KCNIP4: variants seen among roughly 807,000 people sequenced by gnomAD.
KCNIP4 encodes the protein Kv channel-interacting protein 4.
In KCNIP4, 12 loss-of-function variants were observed where a neutral mutation model predicts 34.0. The observed-to-expected ratio is 0.35, with a 90% CI of 0.23 to 0.57. The LOEUF (loss-of-function observed/expected upper bound fraction) is 0.57, where lower values mean the gene tolerates loss of function less well. KCNIP4 is among the 20% of genes least tolerant of loss of function. The pLI is 0.83. For synonymous variants in KCNIP4, 124 were observed against 102.2 expected (o/e 1.21, Z -1.29); for missense variants, 238 against 311.7 (o/e 0.76, Z 1.78).
chr4:21,662,457 T>C (rs1169130671), intron 1 of KCNIP4, among the ~76,000 whole-genome samples: 1 of 152,160 alleles, frequency 6.6e-6, no homozygotes, highest in African/African-American at 2.4e-5. Flanking sequence ...GCCTACAAAG[T>C]GATTTGCTAA....
At chr4:20,808,607 G>A (rs1715363069) in intron 3 of KCNIP4, among the ~76,000 whole-genome samples, 1 of 152,128 alleles carries the variant, frequency 6.6e-6, no homozygotes, top group Non-Finnish European at 1.5e-5. Context: ...TGCTAGTTTA[G>A]CTAATTTGCT....
chr4:21,491,588 G>C (rs1035061376), intron 1 of KCNIP4, among the ~76,000 whole-genome samples: 1 of 152,010 alleles, frequency 6.6e-6, no homozygotes, highest in South Asian at 2.1e-4. Flanking sequence ...GCCCAGGCTG[G>C]TCTCAAAATC....
At chr4:21,444,106 C>A (rs1240604679) in intron 1 of KCNIP4, among the ~76,000 whole-genome samples, 2 of 152,126 alleles carry the variant, frequency 1.3e-5, no homozygotes, top group African/African-American at 4.8e-5. Context: ...AGACCAATAA[C>A]AGGCTCTGAA....
chr4:20,788,351 T>G (rs1243285693), intron 3 of KCNIP4, among the ~76,000 whole-genome samples: 1 of 152,172 alleles, frequency 6.6e-6, no homozygotes, highest in East Asian at 1.9e-4. Flanking sequence ...ATCCAGGACA[T>G]ATAACAGTTG....
At chr4:21,407,554 A>G (rs1724100610) in intron 1 of KCNIP4, among the ~76,000 whole-genome samples, 1 of 152,178 alleles carries the variant, frequency 6.6e-6, no homozygotes, top group Non-Finnish European at 1.5e-5. Context: ...GAATAAATAA[A>G]CATTGTAAGT....
chr4:21,871,979 C>A (rs1232901212), intron 1 of KCNIP4, among the ~76,000 whole-genome samples: 1 of 151,936 alleles, frequency 6.6e-6, no homozygotes, highest in Non-Finnish European at 1.5e-5. Context: ...ATAAAGTCTG[C>A]CTTACCGTTT....
intron 1 of KCNIP4, among the ~76,000 whole-genome samples, chr4:21,124,443 T>C (rs1269353684): frequency 6.6e-6 from 1 of 152,198 alleles, no homozygotes; most frequent in Non-Finnish European, 1.5e-5. Flanking sequence ...TCTCAACCTC[T>C]GCTTCTTCCA....
chr4:21,178,331 T>C (rs946817793), intron 1 of KCNIP4, among the ~76,000 whole-genome samples: 1 of 152,152 alleles, frequency 6.6e-6, no homozygotes, highest in Non-Finnish European at 1.5e-5. Flanking sequence ...TAAACATTGG[T>C]TGGAACGAAG....
At position 21,076,379 on chromosome 4, in the gene KCNIP4, T is replaced by C. The variant is rs73802450; in HGVS notation, c.62-193670A>G. Among the ~76,000 whole-genome samples the C allele has an allele frequency of 0.014, 2,119 of 152,236 alleles. 83 individuals carry two copies. The East Asian group carries it at 0.17, about 12-fold the overall frequency. On this transcript the variant is annotated intron_variant, in intron 1 of 8. Coordinates refer to ENST00000382152, the MANE Select transcript of KCNIP4 (RefSeq NM_025221.6). ...CTTTCCTGAAATGTTATGGCTCTTA[T>C]AGCCTGTGCCACAAAATTAGGCATT... is the stretch of plus-strand genomic sequence containing the variant.
chr4:21,844,159 T>C (rs1723859534), intron 1 of KCNIP4: 1 of 152,054 alleles, frequency 6.6e-6, no homozygotes, highest in Non-Finnish European at 1.5e-5. Flanking sequence ...ACTCACAGTA[T>C]TTCAGAAGAA....
chr4:21,738,614 C>T (rs1278953040), intron 1 of KCNIP4, among the ~76,000 whole-genome samples: 1 of 152,140 alleles, frequency 6.6e-6, no homozygotes, highest in African/African-American at 2.4e-5. Flanking sequence ...CACAGTGTCT[C>T]TGGTCAAATT....
At chr4:21,476,849 G>A (rs1731022700) in intron 1 of KCNIP4, among the ~76,000 whole-genome samples, 1 of 152,072 alleles carries the variant, frequency 6.6e-6, no homozygotes, top group African/African-American at 2.4e-5. Flanking sequence ...CTAAAATGTA[G>A]AGCACTGTCT....
At chr4:21,710,415 G>A (rs906150523) in intron 1 of KCNIP4, among the ~76,000 whole-genome samples, 1 of 152,142 alleles carries the variant, frequency 6.6e-6, no homozygotes, top group Non-Finnish European at 1.5e-5. Flanking sequence ...CCTCCTCCAG[G>A]AAAATCAGTC....
At chr4:21,572,205 TAGTC>T (rs1190228210) in intron 1 of KCNIP4, among the ~76,000 whole-genome samples, 4 of 152,264 alleles carry the variant, frequency 2.6e-5, no homozygotes, top group South Asian at 2.1e-4. Flanking sequence ...ACTTGTCAAA[TAGTC>T]AGGCAAGTAT....
chr4:21,175,638 T>C lies in KCNIP4; in HGVS notation c.62-292929A>G, dbSNP rs548096434. On this transcript the variant is annotated intron_variant, in intron 1 of 8. Coordinates refer to ENST00000382152, the MANE Select transcript of KCNIP4 (RefSeq NM_025221.6). ...CATGATTAAATAAAATAAGAGTTAC[T>C]TGAACGCAAGCACTGCAATACTTCA... Among the ~76,000 whole-genome samples the C allele has an allele frequency of 1.2e-3, 182 of 152,292 alleles. 1 individual carries two copies. Among genetic ancestry groups the C allele is most frequent in the African/African-American group, 4.0e-3 (167 of 41,556 alleles).
At chr4:21,684,803 T>C (rs1431276293) in intron 1 of KCNIP4, among the ~76,000 whole-genome samples, 1 of 152,322 alleles carries the variant, frequency 6.6e-6, no homozygotes, top group Middle Eastern at 3.4e-3. Flanking sequence ...TATCTGCTAA[T>C]GCTATCCCTC....
At chr4:21,881,741 T>C (rs1726475011) in intron 1 of KCNIP4, among the ~76,000 whole-genome samples, 2 of 152,142 alleles carry the variant, frequency 1.3e-5, no homozygotes, top group South Asian at 2.1e-4. Context: ...TAAATATGTT[T>C]TGGGTGAATT....
intron 1 of KCNIP4, among the ~76,000 whole-genome samples, chr4:21,624,856 C>T (rs1398809593): frequency 6.6e-6 from 1 of 152,112 alleles, no homozygotes; most frequent in Non-Finnish European, 1.5e-5. Context: ...TTTTGAAAGA[C>T]TCTTAACAGG....
At chr4:21,550,498 C>G (rs1738493308) in intron 1 of KCNIP4, among the ~76,000 whole-genome samples, 1 of 152,072 alleles carries the variant, frequency 6.6e-6, no homozygotes, top group South Asian at 2.1e-4. Context: ...TCGCTAGTCT[C>G]TCTTCTCTTG....
Sources: allele counts gnomAD v4.1 joint callset (sites outside exome capture counted in the v4.1 genomes callset), GRCh38; gene constraint gnomAD v4.1.1; transcripts MANE v1.5; gene names NCBI Gene and HGNC (gene_info 2026-07-23, HGNC 2026-07-21).